VRTN: variants seen among roughly 807,000 people sequenced by gnomAD.
The protein encoded by VRTN is vertnin.
A neutral mutation model predicts 18.2 loss-of-function variants in VRTN; 5 were observed. The ratio of observed to expected loss-of-function variants is 0.27; its 90% CI spans 0.14 to 0.58. The LOEUF is 0.58. Ranked by LOEUF, VRTN falls within the 20% of genes least tolerant of loss-of-function variation. The pLI is 0.91. For synonymous variants in VRTN, 381 were observed against 393.7 expected (o/e 0.97, Z 0.38); for missense variants, 741 against 939.4 (o/e 0.79, Z 2.76).
intron 1 of VRTN, among the ~76,000 whole-genome samples, chr14:74,332,348 T>G (rs1034124855): frequency 8.9e-5 from 3 of 33,810 alleles, no homozygotes; most frequent in East Asian, 4.0e-3. Context: ...TTTTTTTTTT[T>G]TTTTTTTTTT....
intron 1 of VRTN, among the ~76,000 whole-genome samples, chr14:74,324,877 AC>A (rs2085479187): frequency 6.6e-6 from 1 of 152,074 alleles, no homozygotes; most frequent in African/African-American, 2.4e-5. Flanking sequence ...ACAGAGTGAG[AC>A]CCCATCTCAA....
chr14:74,344,960 A>C (rs563565817), upstream of VRTN, among the ~76,000 whole-genome samples: 68 of 152,302 alleles, frequency 4.5e-4, no homozygotes, highest in African/African-American at 1.6e-3. Flanking sequence ...CACTAGAAAC[A>C]ATACTGGCTG....
chr14:74,315,869 G>A (rs538273503), intron 1 of VRTN, among the ~76,000 whole-genome samples: 19 of 152,230 alleles, frequency 1.2e-4, no homozygotes, highest in East Asian at 1.2e-3. Flanking sequence ...AGCCTCAGCC[G>A]ACCCCATGGG....
rs574074724 is a variant in VRTN at position 74,308,243 on chromosome 14, C to T, written c.-164+5067C>T. On this transcript the variant is annotated intron_variant, in intron 1 of 2. Coordinates refer to the VRTN transcript ENST00000557177. Reference sequence around the variant, plus strand: ...CAGCCTGGGCAACATAGCTAGACCCCCATCTCTACAAAAAAAGAAAAAAAT... The same window carrying T: ...CAGCCTGGGCAACATAGCTAGACCCTCATCTCTACAAAAAAAGAAAAAAAT... Among the ~76,000 whole-genome samples the T allele has an allele frequency of 3.9e-5, 6 of 152,112 alleles. 1 individual carries two copies. The highest frequency in any genetic ancestry group is 1.4e-4 in the African/African-American group (6 of 41,498).
intron 1 of VRTN, among the ~76,000 whole-genome samples, chr14:74,355,312 GA>G (rs1393431480): frequency 2.0e-5 from 3 of 152,004 alleles, no homozygotes; most frequent in Non-Finnish European, 4.4e-5. Flanking sequence ...AAATCTGAAT[GA>G]CCAGTGTCTA....
intron 1 of VRTN, among the ~76,000 whole-genome samples, chr14:74,332,900 T>C (rs1302878019): frequency 2.0e-5 from 3 of 152,150 alleles, no homozygotes; most frequent in Non-Finnish European, 4.4e-5. Flanking sequence ...CAGGAAACTT[T>C]CCTGGGTCTC....
intron 1 of VRTN, among the ~76,000 whole-genome samples, chr14:74,328,067 G>A (rs755827316): frequency 9.9e-5 from 15 of 152,168 alleles, no homozygotes; most frequent in South Asian, 2.1e-4. Context: ...AAGGAAAGGC[G>A]TGAGCCACCA....
At chr14:74,326,755 C>T (rs1180305311) in intron 1 of VRTN, among the ~76,000 whole-genome samples, 1 of 152,086 alleles carries the variant, frequency 6.6e-6, no homozygotes, top group African/African-American at 2.4e-5. Flanking sequence ...ACACCATTTA[C>T]ATCTTTTACA....
chr14:74,304,502 G>T (rs1016660125), intron 1 of VRTN, among the ~76,000 whole-genome samples: 2 of 152,086 alleles, frequency 1.3e-5, no homozygotes, highest in African/African-American at 4.8e-5. Context: ...CATACAGCAG[G>T]GGTTCTCAAC....
intron 1 of VRTN, among the ~76,000 whole-genome samples, chr14:74,349,970 C>T (rs899314131): frequency 7.2e-5 from 11 of 152,060 alleles, no homozygotes; most frequent in Admixed American, 2.6e-4. Context: ...CTTTTCAGAT[C>T]ACTTCCAAGA....
At chr14:74,329,287 A>ATTTTATATATATATATATATATATAT (rs2085506841) in intron 1 of VRTN, among the ~76,000 whole-genome samples, 1 of 151,810 alleles carries the variant, frequency 6.6e-6, no homozygotes, top group Non-Finnish European at 1.5e-5. Flanking sequence ...AAAAAAAAAA[A>ATTTTATATATATATATATATATATAT]AAGAAACAGG....
At chr14:74,317,017 G>C (rs534007095) in intron 1 of VRTN, among the ~76,000 whole-genome samples, 1 of 152,218 alleles carries the variant, frequency 6.6e-6, no homozygotes, top group East Asian at 1.9e-4. Context: ...GAGAGTGATA[G>C]GAAATGCACA....
At chr14:74,303,015 A>T, upstream of VRTN, 15 of 1,248,228 alleles carry the variant, frequency 1.2e-5, no homozygotes, top group Non-Finnish European at 1.6e-5. Context: ...ACGGCGTTTG[A>T]TAGAGAGGAA....
At chr14:74,344,343 A>G (rs571981699), upstream of VRTN, among the ~76,000 whole-genome samples, 2 of 143,290 alleles carry the variant, frequency 1.4e-5, no homozygotes, top group East Asian at 4.1e-4. Context: ...GATCAAGGTC[A>G]AGGCTGCAGT....
chr14:74,307,302 A>G (rs10132413), intron 1 of VRTN, among the ~76,000 whole-genome samples: 88,652 of 151,676 alleles, frequency 0.58, 27,439 homozygotes, highest in East Asian at 0.83. Context: ...CTAATTTTTT[A>G]TATTTTTAGT....
At chr14:74,353,028 C>T (rs1567045766) in intron 1 of VRTN, among the ~76,000 whole-genome samples, 1 of 152,184 alleles carries the variant, frequency 6.6e-6, no homozygotes, top group Non-Finnish European at 1.5e-5. Flanking sequence ...TGGTGGCTCA[C>T]GCCTGTAATC....
chr14:74,352,874 G>A (rs1049890758), intron 1 of VRTN, among the ~76,000 whole-genome samples: 2 of 152,190 alleles, frequency 1.3e-5, no homozygotes, highest in Non-Finnish European at 2.9e-5. Context: ...TGTAAAAAGT[G>A]TCTATGAAGG....
intron 1 of VRTN, among the ~76,000 whole-genome samples, chr14:74,336,434 C>T (rs1461984090): frequency 2.0e-5 from 3 of 151,506 alleles, no homozygotes; most frequent in Non-Finnish European, 2.9e-5. Context: ...TTTCCACAAA[C>T]CTCTTCTCCA....
rs1052838016 is a variant in VRTN, at chr14:74,351,198, T to C, written c.-2+2546T>C. ...GCCAAAATGAAAAAGCTTGTCTGTG[T>C]GTACACAGTTTGTTCTTCAGGATTC... is the stretch of plus-strand genomic sequence containing the variant. On this transcript the variant is annotated intron_variant, in intron 1 of 1. Coordinates refer to ENST00000256362, the MANE Select transcript of VRTN (RefSeq NM_018228.3). 4.6e-5 allele frequency among the ~76,000 whole-genome samples: 7 copies of C among 152,260 alleles called. No homozygotes were observed. In the East Asian group the frequency reaches 1.3e-3, roughly 29 times the overall value.
Sources: allele counts gnomAD v4.1 joint callset (sites outside exome capture counted in the v4.1 genomes callset), GRCh38; gene constraint gnomAD v4.1.1; transcripts MANE v1.5; gene names NCBI Gene and HGNC (gene_info 2026-07-23, HGNC 2026-07-21).